Variants in NOD1 observed in about 807,000 individuals in gnomAD.
The protein encoded by NOD1 is nucleotide binding oligomerization domain containing 1.
NOD1 carries 70 observed loss-of-function variants against 81.2 expected under a neutral mutation model. The observed-to-expected ratio is 0.86, with a 90% confidence interval of 0.71 to 1.05. The LOEUF is 1.05. Among genes scored for constraint, NOD1 ranks in the 50% least tolerant of loss-of-function variants. NOD1 has a pLI of 0.00. For synonymous variants in NOD1, 508 were observed against 526.9 expected, an observed-to-expected ratio of 0.96 and a Z score of 0.49; for missense variants, 1,233 against 1,228.0, an observed-to-expected ratio of 1.00 and a Z score of -0.06.
intron 5 of NOD1, among the ~76,000 whole-genome samples, chr7:30,453,915 A>G (rs1004728561): frequency 9.9e-5 from 15 of 152,256 alleles, no homozygotes; most frequent in Admixed American, 7.2e-4. Context: ...CTTTTGTGTG[A>G]GACTGCTTGT....
rs146567985 is a variant in NOD1, at chr7:30,451,448, G to A, written c.1969C>T (p.Arg657Cys). The change falls in exon 6 of 14, where the codon CGC (arginine) becomes TGC (cysteine). Residue 657 changes from arginine (R) to cysteine (C), a missense_variant. Transcript: ENST00000222823. The surrounding 1 kb of genome is among the most constrained non-coding windows in gnomAD (Gnocchi z 4.2). ...QAMPTFIWML[R>C]CIYETQSQKV... ...TGGCTCTGTGTCTCGTAGATGCAGC[G>A]CAGCATCCAGATGAACGTGGGCATG... The A allele has an allele frequency of 1.7e-5, 27 of 1,613,542 alleles. No individual in the cohort carries two copies. The African/African-American group carries it at 1.9e-4, about 11-fold the overall frequency.
intron 5 of NOD1, among the ~76,000 whole-genome samples, chr7:30,453,608 C>A (rs932241451): frequency 2.0e-5 from 3 of 152,146 alleles, no homozygotes; most frequent in East Asian, 3.9e-4. Flanking sequence ...TTTGTAGAGA[C>A]GGGGTCTCGC....
At position 30,457,180 on chromosome 7, in the gene NOD1, C is replaced by G. The variant is rs571903353; in HGVS notation, c.-121-138G>C. On this transcript the variant is annotated intron_variant, in intron 3 of 13. Transcript: ENST00000222823. ...ACCTTTATCTGGCCAGGCAAGTTGG[C>G]TCATGACTGTAATCCCAGCGCTTTG... The G allele has an allele frequency of 1.9e-4, 92 of 486,702 alleles. 2 individuals are homozygous for G. In the South Asian group the frequency reaches 2.0e-3, roughly 11 times the overall value. The allele number at this position is 486,702 out of a possible 1,614,324, so 30.1% of individuals were successfully genotyped here.
intron 11 of NOD1, among the ~76,000 whole-genome samples, chr7:30,434,971 A>G (rs1784259968): frequency 6.6e-6 from 1 of 151,564 alleles, no homozygotes; most frequent in Non-Finnish European, 1.5e-5. Flanking sequence ...GGGTCTCGCT[A>G]TATTGCCCAG....
In NOD1 at chr7:30,424,890, G is replaced by GC. The variant is rs1214215298; in HGVS notation, c.*747dup. 2.0e-5 allele frequency: 3 copies of GC among 152,552 alleles called. No homozygotes were observed. The highest frequency in any genetic ancestry group is 3.9e-4 in the East Asian group (2 of 5,190). The allele number at this position is 152,552 out of a possible 1,614,324, so 9.4% of individuals were successfully genotyped here. On this transcript the variant is annotated 3_prime_UTR_variant, in exon 14 of 14. Transcript: ENST00000222823. ...GTACTCAGCCTTCTAGAGGAGGGTA[G>GC]CCTAGCAGAGGAGAAGCCCTGAGTG...
chr7:30,445,351 C>A (rs962033591), intron 9 of NOD1, among the ~76,000 whole-genome samples: 20 of 147,252 alleles, frequency 1.4e-4, no homozygotes, highest in Non-Finnish European at 2.5e-4. Context: ...ATGTGCACAG[C>A]AGCATTATTC....
chr7:30,452,158 G>T lies in NOD1; in HGVS notation c.1259C>A (p.Thr420Asn), dbSNP rs564652305. ...GACCAGGAGGAAGACATCTGTCAGGGTCATCGTGCAGTCGGGCAGCTGTGG... is the reference window on the plus strand; with the variant it reads ...GACCAGGAGGAAGACATCTGTCAGGTTCATCGTGCAGTCGGGCAGCTGTGG... ...GSPQLPDCTM[T>N]LTDVFLLVTE... Residue 420 changes from threonine to asparagine, a missense_variant, in exon 6 of 14, where the codon ACC becomes AAC. Physicochemically the swap from Thr to Asn is moderately conservative, Grantham distance 65. Transcript: ENST00000222823. The T allele has an allele frequency of 3.1e-6, 5 of 1,614,012 alleles. No homozygotes were observed. The African/African-American group carries it at 6.7e-5, about 22-fold the overall frequency.
chr7:30,473,851 A>C (rs1476364250), intron 1 of NOD1, among the ~76,000 whole-genome samples: 1 of 152,184 alleles, frequency 6.6e-6, no homozygotes, highest in Non-Finnish European at 1.5e-5. Flanking sequence ...CCTGGGATAG[A>C]CTTTGGGCTA....
At chr7:30,455,459 T>C in intron 4 of NOD1, 148 bp from the exon 5 acceptor site, 2 of 604,650 alleles carry the variant, frequency 3.3e-6, no homozygotes, top group Non-Finnish European at 5.8e-6. Flanking sequence ...ACAGTCAACA[T>C]ATTGGAGCCC....
rs536068301 is a variant in NOD1 at position 30,478,359 on chromosome 7, T to C, written c.-352+247A>G. Among the ~76,000 whole-genome samples the C allele has an allele frequency of 4.6e-4, 70 of 152,322 alleles. No homozygotes were observed. The highest frequency in any genetic ancestry group is 1.4e-3 in the African/African-American group (59 of 41,568). On this transcript the variant is annotated intron_variant, in intron 1 of 13. Coordinates refer to ENST00000222823, the MANE Select transcript of NOD1 (RefSeq NM_006092.4). This position sits in a 1 kb window ranked among gnomAD's most constrained non-coding sequence, Gnocchi z 4.1. ...AGGTGGTTCTAAGCTGCTGGCACGA[T>C]TGAGAACCCCTGCGTTCGACCACAG...
Position 30,452,562 on chromosome 7 carries a change from G to T in NOD1, c.855C>A (p.Gly285=), listed in dbSNP as rs770912543. ...FPHVALFTFD[G]LDELHSDLDL... is the part of the protein sequence containing the mutation. ...CCAAGTCCGAGTGCAGCTCGTCCAGGCCATCGAAGGTGAAGAGGGCCACGT... is the reference window on the plus strand; with the variant it reads ...CCAAGTCCGAGTGCAGCTCGTCCAGTCCATCGAAGGTGAAGAGGGCCACGT... Residue 285 remains glycine, a synonymous_variant, in exon 6 of 14, where the codon GGC becomes GGA. Coordinates refer to ENST00000222823, the MANE Select transcript of NOD1 (RefSeq NM_006092.4). The T allele has an allele frequency of 2.0e-5, 32 of 1,613,148 alleles. No individual in the cohort carries two copies. Among genetic ancestry groups the T allele is most frequent in the African/African-American group, 5.3e-5 (4 of 74,932 alleles).
intron 1 of NOD1, among the ~76,000 whole-genome samples, chr7:30,473,058 A>C (rs533756373): frequency 2.6e-5 from 4 of 152,362 alleles, no homozygotes; most frequent in African/African-American, 4.8e-5. Flanking sequence ...ATAGCTTTCT[A>C]ACAGCCTTCC....
chr7:30,446,638 C>T (rs533105567), intron 8 of NOD1: 7 of 398,568 alleles, frequency 1.8e-5, no homozygotes, highest in Middle Eastern at 6.8e-4. Context: ...ACACCTACAG[C>T]AGGGCAAGGG....
At chr7:30,438,854 GGAGA>G (rs1784616169) in intron 9 of NOD1, among the ~76,000 whole-genome samples, 1 of 152,124 alleles carries the variant, frequency 6.6e-6, no homozygotes, top group Non-Finnish European at 1.5e-5. Flanking sequence ...GAGAGAGAAG[GGAGA>G]GAAAGTGAGA....
chr7:30,460,651 T>G (rs1786949495), intron 1 of NOD1: 1 of 984,586 alleles, frequency 1.0e-6, no homozygotes, highest in Non-Finnish European at 1.2e-6. Context: ...CGGAGGAGGG[T>G]GAGTCCACCA....
At position 30,467,995 on chromosome 7, in the gene NOD1, C is replaced by T. The variant is rs1233922447; in HGVS notation, c.-351-7954G>A. Among the ~76,000 whole-genome samples the T allele has an allele frequency of 6.6e-6, 1 of 152,172 alleles. No homozygotes were observed. The highest frequency in any genetic ancestry group is 1.5e-5 in the Non-Finnish European group (1 of 68,038). ...AGGATTACAGGAGTGAGCCACCGCACCCGGCCTATATTTTGTTTTAAATTT... is the reference window on the plus strand; with the variant it reads ...AGGATTACAGGAGTGAGCCACCGCATCCGGCCTATATTTTGTTTTAAATTT... On this transcript the variant is annotated intron_variant, in intron 1 of 13. Transcript: ENST00000222823. The surrounding 1 kb of genome is among the most constrained non-coding windows in gnomAD (Gnocchi z 4.5).
chr7:30,433,880 G>C (rs1784161133), intron 11 of NOD1, among the ~76,000 whole-genome samples: 1 of 152,156 alleles, frequency 6.6e-6, no homozygotes, highest in African/African-American at 2.4e-5. Context: ...TTCATTTTAA[G>C]ACAATCAGAC....
intron 1 of NOD1, among the ~76,000 whole-genome samples, chr7:30,470,897 G>C (rs1403357664): frequency 1.3e-5 from 2 of 152,164 alleles, no homozygotes; most frequent in Non-Finnish European, 2.9e-5. Context: ...TTATGCAGAG[G>C]AAAGTGCCAC....
Position 30,425,439 on chromosome 7 carries a change from G to T in NOD1, c.*199C>A. On this transcript the variant is annotated 3_prime_UTR_variant, in exon 14 of 14. Coordinates refer to ENST00000222823, the MANE Select transcript of NOD1 (RefSeq NM_006092.4). The stretch of plus-strand genomic sequence containing the variant: ...AGCTCGCAAGACACATTCTTTTTCT[G>T]CAGAATTGTAGCGGGTACTTAGGGA... 1 of 599,792 alleles carries T rather than the reference G, an allele frequency of 1.7e-6. No homozygotes were observed. 37.2% of individuals were successfully genotyped at this position (599,792 alleles called of 1,614,324 possible).
Sources: gnomAD v4.1 joint callset for allele counts (sites outside exome capture counted in the v4.1 genomes callset) on GRCh38, gnomAD v4.1.1 for gene constraint, Gnocchi (gnomAD v3.1) non-coding constraint, MANE v1.5 for transcripts, NCBI Gene and HGNC (gene_info 2026-07-23, HGNC 2026-07-21) for gene names.